Variants in TEX9 observed in about 807,000 individuals in gnomAD.
TEX9 encodes the protein testis expressed 9, also known as testis-expressed protein 9.
A neutral mutation model predicts 59.6 loss-of-function variants in TEX9; 74 were observed. The observed-to-expected ratio is 1.24, with a 90% confidence interval of 1.03 to 1.51. The LOEUF is 1.51. Among genes scored for constraint, TEX9 ranks in the 40% most tolerant of loss-of-function variants. The probability of loss-of-function intolerance (pLI) is 0.00; values close to 1 mark genes in which losing one functional copy is unlikely to be tolerated. For missense variants in TEX9, 522 were observed against 447.8 expected (o/e 1.17, Z -1.49); for synonymous variants, 186 against 152.2 (o/e 1.22, Z -1.64).
intron 1 of TEX9, among the ~76,000 whole-genome samples, chr15:56,307,322 T>C (rs2045506958): frequency 6.6e-6 from 1 of 152,186 alleles, no homozygotes; most frequent in Non-Finnish European, 1.5e-5. Context: ...TGTTACCCAA[T>C]TTTGGATTCC....
chr15:56,401,308 CAAAAAA>C (rs1207055803), intron 9 of TEX9, among the ~76,000 whole-genome samples: 3 of 46,774 alleles, frequency 6.4e-5, no homozygotes, highest in African/African-American at 1.0e-4. Flanking sequence ...AAATTGAAAG[CAAAAAA>C]AAAAAAAAAA....
chr15:56,365,445 C>T, exon 1 of TEX9: 2 of 1,609,826 alleles, frequency 1.2e-6, no homozygotes, highest in Non-Finnish European at 1.7e-6. Flanking sequence ...GTCGCAGTCG[C>T]CGAAGATGGC....
chr15:56,368,005 T>C (rs1199223604), intron 2 of TEX9, among the ~76,000 whole-genome samples: 1 of 152,200 alleles, frequency 6.6e-6, no homozygotes, highest in African/African-American at 2.4e-5. Flanking sequence ...ATTCTCTCTT[T>C]TTCTCTGTTT....
chr15:56,339,591 C>T (rs1240711940), intron 1 of TEX9, among the ~76,000 whole-genome samples: 1 of 151,872 alleles, frequency 6.6e-6, no homozygotes, highest in Non-Finnish European at 1.5e-5. Context: ...ATAAAAATAC[C>T]ACATTCAGCA....
At chr15:56,369,324 G>A (rs751105536) in intron 2 of TEX9, among the ~76,000 whole-genome samples, 9 of 151,662 alleles carry the variant, frequency 5.9e-5, no homozygotes, top group Non-Finnish European at 1.3e-4. Context: ...CGAGGAGCTG[G>A]GACTACAGGC....
chr15:56,350,965 A>G (rs1394853521), intron 1 of TEX9, among the ~76,000 whole-genome samples: 3 of 152,190 alleles, frequency 2.0e-5, no homozygotes, highest in Non-Finnish European at 4.4e-5. Flanking sequence ...AAGAATGGCA[A>G]TGGCAAAATA....
chr15:56,396,358 G>A (rs1214670471), intron 9 of TEX9: 1 of 152,032 alleles, frequency 6.6e-6, no homozygotes, highest in African/African-American at 2.4e-5. Flanking sequence ...AATTCTATGA[G>A]TTTTGACAAA....
At chr15:56,406,889 A>T (rs1451916682) in intron 9 of TEX9, among the ~76,000 whole-genome samples, 2 of 152,146 alleles carry the variant, frequency 1.3e-5, no homozygotes, top group Non-Finnish European at 2.9e-5. Context: ...TTTTCTCAAC[A>T]GTGTGTTTCA....
chr15:56,460,005 A>ATATATATATAT, the TEX9 span, among the ~76,000 whole-genome samples: 2 of 30,538 alleles, frequency 6.5e-5, no homozygotes, highest in African/African-American at 2.4e-4. Flanking sequence ...AAAAAAAAAA[A>ATATATATATAT]AAAAATACAT....
intron 1 of TEX9, among the ~76,000 whole-genome samples, chr15:56,255,677 A>G (rs2044129658): frequency 6.6e-6 from 1 of 152,088 alleles, no homozygotes; most frequent in Non-Finnish European, 1.5e-5. Context: ...AGCTCTACTA[A>G]TACTGAACCT....
chr15:56,271,187 A>G (rs2044520805), intron 1 of TEX9, among the ~76,000 whole-genome samples: 2 of 151,896 alleles, frequency 1.3e-5, no homozygotes, highest in African/African-American at 4.8e-5. Context: ...GACCCACCTT[A>G]CTAGTTTGGG....
chr15:56,456,091 T>C, the TEX9 span, among the ~76,000 whole-genome samples: 1 of 152,160 alleles, frequency 6.6e-6, no homozygotes. Flanking sequence ...AACTAGTTAT[T>C]ACCTAAGGTT....
At chr15:56,392,637 A>G (rs1335099634) in intron 7 of TEX9, among the ~76,000 whole-genome samples, 3 of 130,200 alleles carry the variant, frequency 2.3e-5, no homozygotes, top group African/African-American at 5.0e-5. Flanking sequence ...ATTTATATGT[A>G]TAATAATTAT....
intron 3 of TEX9, among the ~76,000 whole-genome samples, chr15:56,376,819 C>G (rs1011883405): frequency 1.2e-4 from 19 of 152,088 alleles, no homozygotes; most frequent in African/African-American, 4.6e-4. Flanking sequence ...CTCAAGAAAT[C>G]TTTGTCTACT....
rs1454504952 is a variant in TEX9 at position 56,426,566 on chromosome 15, T to G, written c.964-1039T>G. 3.7e-4 allele frequency among the ~76,000 whole-genome samples: 15 copies of G among 41,090 alleles called. No homozygotes were observed. In the East Asian group the frequency reaches 0.028, roughly 76 times the overall value. 27.0% of individuals were successfully genotyped at this position (41,090 alleles called of 152,430 possible). A position where few individuals can be genotyped will look rare whatever the true frequency, so the allele number is the denominator to read the frequency against. On this transcript the variant is annotated intron_variant, in intron 10 of 12. Transcript: ENST00000352903. ...ACTCTTATCTTTTAAAGAGGTGTTT[T>G]TTTTTTTTTTTTTTGAAAAGGTGTA...
chr15:56,404,360 G>A (rs1466964114), intron 9 of TEX9, among the ~76,000 whole-genome samples: 3 of 152,196 alleles, frequency 2.0e-5, no homozygotes, highest in South Asian at 4.1e-4. Context: ...AGACATTTAT[G>A]CAGCCAAAAG....
chr15:56,409,439 C>T (rs1373428491), intron 9 of TEX9, among the ~76,000 whole-genome samples: 3 of 152,110 alleles, frequency 2.0e-5, no homozygotes, highest in Admixed American at 6.5e-5. Context: ...TGGATTCCTA[C>T]TACAGGATCT....
At chr15:56,390,025 T>A (rs2048133132) in intron 6 of TEX9, among the ~76,000 whole-genome samples, 1 of 151,958 alleles carries the variant, frequency 6.6e-6, no homozygotes, top group Admixed American at 6.6e-5. Context: ...GGCTGATCAT[T>A]GTATTGTAAT....
At chr15:56,413,586 G>A (rs2049517059) in intron 10 of TEX9, among the ~76,000 whole-genome samples, 1 of 151,196 alleles carries the variant, frequency 6.6e-6, no homozygotes, top group Non-Finnish European at 1.5e-5. Context: ...AACCACCATT[G>A]TACTTTCTGT....
Sources: allele counts gnomAD v4.1 joint callset (sites outside exome capture counted in the v4.1 genomes callset), GRCh38; gene constraint gnomAD v4.1.1; transcripts MANE v1.5; gene names NCBI Gene and HGNC (gene_info 2026-07-23, HGNC 2026-07-21).